ATE1: variants seen among roughly 807,000 people sequenced by gnomAD.
ATE1 encodes the protein arginyltransferase 1, also known as arginyl-tRNA--protein transferase 1.
A neutral mutation model predicts 70.5 loss-of-function variants in ATE1; 36 were observed. That is an observed-to-expected ratio of 0.51 (90% CI 0.39 to 0.67). The LOEUF (loss-of-function observed/expected upper bound fraction) is 0.67. Ranked by LOEUF, ATE1 falls within the 30% of genes least tolerant of loss-of-function variation. The pLI, the probability that ATE1 is intolerant of heterozygous loss-of-function variation, is 0.00. For missense variants in ATE1, 593 were observed against 629.5 expected, an observed-to-expected ratio of 0.94 and a Z score of 0.62; for synonymous variants, 232 against 219.3, an observed-to-expected ratio of 1.06 and a Z score of -0.51.
intron 10 of ATE1, among the ~76,000 whole-genome samples, chr10:121,796,627 TA>T (rs1946669003): frequency 1.3e-5 from 2 of 152,200 alleles, no homozygotes; most frequent in South Asian, 2.1e-4. Flanking sequence ...AGACTACTTG[TA>T]AGACTCAATT....
chr10:121,870,083 C>T lies in ATE1; in HGVS notation c.943-45G>A, dbSNP rs12255373. 1,632 of 1,571,266 alleles carry T rather than the reference C, an allele frequency of 1.0e-3. 15 individuals are homozygous for T. In the African/African-American group the frequency reaches 0.014, roughly 14 times the overall value. On this transcript the variant is annotated intron_variant, in intron 7 of 11. Coordinates refer to ENST00000224652, the MANE Select transcript of ATE1 (RefSeq NM_001001976.3). ...GAATCCATTTCATCCAGTAAACAGA[C>T]GGCAAAAAGGAACACAGAGAAAAAG...
intron 5 of ATE1, among the ~76,000 whole-genome samples, chr10:121,910,217 A>C (rs1951365475): frequency 6.6e-6 from 1 of 152,230 alleles, no homozygotes; most frequent in Admixed American, 6.5e-5. Flanking sequence ...AAACTAAAAT[A>C]GTACTAAAAA....
At chr10:121,904,173 G>A (rs1332080141) in intron 5 of ATE1, among the ~76,000 whole-genome samples, 2 of 151,448 alleles carry the variant, frequency 1.3e-5, no homozygotes, top group East Asian at 2.0e-4. Flanking sequence ...CAGTAGAGAC[G>A]GAGTTTCACC....
At chr10:121,743,916 CTT>C (rs35850942) in intron 11 of ATE1, 58 bp from the exon 12 acceptor site, 101,528 of 842,106 alleles carry the variant, frequency 0.12, 458 homozygotes, top group Admixed American at 0.2. Context: ...TTTTTGTTTC[CTT>C]TTTTTTTTTT....
rs753645736 is a variant in ATE1, at chr10:121,743,707, G to A, written c.1530C>T (p.Ser510=). The A allele has an allele frequency of 4.7e-5, 75 of 1,612,546 alleles. No homozygotes were observed. The highest frequency in any genetic ancestry group is 5.8e-5 in the Non-Finnish European group (68 of 1,179,606). The change falls in exon 12 of 12, where the codon TCC becomes TCT. Residue 510 remains serine, a synonymous_variant. Transcript: ENST00000224652. ...AGTTTCTGAACAGCAGCATCCGCTCGGAGCACTTCTGCCCCACCAGGCTGG... is the reference window on the plus strand; with the variant it reads ...AGTTTCTGAACAGCAGCATCCGCTCAGAGCACTTCTGCCCCACCAGGCTGG... ...QYASLVGQKC[S]ERMLLFRN is the part of the protein sequence containing the mutation.
At chr10:121,885,809 A>G (rs975824175) in intron 7 of ATE1, among the ~76,000 whole-genome samples, 1 of 152,074 alleles carries the variant, frequency 6.6e-6, no homozygotes, top group Non-Finnish European at 1.5e-5. Flanking sequence ...CTGAAGCACG[A>G]GAATCGCTTG....
At chr10:121,782,570 G>A (rs1946038973) in intron 11 of ATE1, 1 of 152,134 alleles carries the variant, frequency 6.6e-6, no homozygotes, top group Non-Finnish European at 1.5e-5. Flanking sequence ...TTATAAACAG[G>A]ATGCAGGAAG....
chr10:121,870,508 T>G (rs1425753608), intron 7 of ATE1, among the ~76,000 whole-genome samples: 1 of 152,082 alleles, frequency 6.6e-6, no homozygotes, highest in African/African-American at 2.4e-5. Context: ...AGAGGTCAGG[T>G]GAGTGAGAAT....
chr10:121,922,953 C>T (rs565042625), intron 2 of ATE1, among the ~76,000 whole-genome samples: 2 of 152,244 alleles, frequency 1.3e-5, no homozygotes, highest in African/African-American at 4.8e-5. Context: ...GCAAGCTTTC[C>T]TTCATTTTAA....
At chr10:121,926,270 T>C (rs1257469000) in intron 1 of ATE1, among the ~76,000 whole-genome samples, 1 of 152,160 alleles carries the variant, frequency 6.6e-6, no homozygotes, top group East Asian at 1.9e-4. Flanking sequence ...ACATCAGAGA[T>C]ATGACAGGCT....
chr10:121,874,001 T>C (rs542824462), intron 7 of ATE1, among the ~76,000 whole-genome samples: 1 of 152,312 alleles, frequency 6.6e-6, no homozygotes, highest in East Asian at 1.9e-4. Context: ...ATTAACAAAA[T>C]ATACTTCCAG....
intron 11 of ATE1, among the ~76,000 whole-genome samples, chr10:121,754,008 C>T (rs1944695848): frequency 6.6e-6 from 1 of 152,124 alleles, no homozygotes; most frequent in Admixed American, 6.6e-5. Flanking sequence ...CCAGATTTCT[C>T]AGTCAGAGAA....
At chr10:121,909,748 C>T (rs1370176621) in intron 5 of ATE1, among the ~76,000 whole-genome samples, 1 of 152,102 alleles carries the variant, frequency 6.6e-6, no homozygotes, top group Non-Finnish European at 1.5e-5. Flanking sequence ...CTGAATTATT[C>T]AAAATATTTC....
At chr10:121,921,665 C>T (rs1951887268) in intron 3 of ATE1, among the ~76,000 whole-genome samples, 1 of 152,052 alleles carries the variant, frequency 6.6e-6, no homozygotes. Context: ...CCAGGCAAAC[C>T]TAGATAACGG....
At position 121,840,743 on chromosome 10, in the gene ATE1, T is replaced by C. The variant is rs1590449640; in HGVS notation, c.1157+339A>G. On this transcript the variant is annotated intron_variant, in intron 9 of 11. Transcript: ENST00000224652. ...ATAGATACTAGTTATACATAATATT[T>C]ACTTATATATTACATAACTATATAC... Among the ~76,000 whole-genome samples the C allele has an allele frequency of 3.3e-5, 5 of 151,030 alleles. No homozygotes were observed. In the Admixed American group the frequency reaches 3.3e-4, roughly 10 times the overall value.
chr10:121,860,535 C>G (rs1314983483), intron 8 of ATE1, among the ~76,000 whole-genome samples: 1 of 152,172 alleles, frequency 6.6e-6, no homozygotes, highest in African/African-American at 2.4e-5. Context: ...ACATTCACAA[C>G]TTAATACTAG....
intron 10 of ATE1, among the ~76,000 whole-genome samples, chr10:121,795,105 G>A (rs960653813): frequency 3.9e-5 from 6 of 152,070 alleles, no homozygotes; most frequent in African/African-American, 7.2e-5. Flanking sequence ...AAAGTTAGCC[G>A]GGCATGGTGA....
rs2135615675 is a variant in ATE1 at position 121,741,114 on chromosome 10, T to C, written c.*2566A>G. On this transcript the variant is annotated 3_prime_UTR_variant, in exon 12 of 12. Transcript: ENST00000224652. ...CTTCCTGCCTTGGAAAGATATAAACTGTCTTTGAAAAGTCCTTGTGTCTTT... is the reference window on the plus strand; with the variant it reads ...CTTCCTGCCTTGGAAAGATATAAACCGTCTTTGAAAAGTCCTTGTGTCTTT... 1 of 152,354 alleles carries C rather than the reference T, an allele frequency of 6.6e-6. No homozygotes were observed. The highest frequency in any genetic ancestry group is 1.5e-5 in the Non-Finnish European group (1 of 68,032). 9.4% of individuals were successfully genotyped at this position (152,354 alleles called of 1,614,324 possible). A position where few individuals can be genotyped will look rare whatever the true frequency, so the allele number is the denominator to read the frequency against.
chr10:121,786,864 G>A (rs1018504976), intron 11 of ATE1, among the ~76,000 whole-genome samples: 2 of 152,044 alleles, frequency 1.3e-5, no homozygotes. Context: ...ATATATATAT[G>A]TGTATAGAAC....
Sources: allele counts gnomAD v4.1 joint callset (sites outside exome capture counted in the v4.1 genomes callset), GRCh38; gene constraint gnomAD v4.1.1; transcripts MANE v1.5; gene names NCBI Gene and HGNC (gene_info 2026-07-23, HGNC 2026-07-21).